Variants in SLC35D4 observed in about 807,000 individuals in gnomAD.
SLC35D4 encodes solute carrier family 35 member D4.
the SLC35D4 span, among the ~76,000 whole-genome samples, chr18:23,265,606 C>T: frequency 6.6e-6 from 1 of 152,008 alleles, no homozygotes; most frequent in Non-Finnish European, 1.5e-5. Flanking sequence ...TACAATGACC[C>T]TGGCCTTGAA....
At chr18:23,356,095 T>C in the SLC35D4 span, among the ~76,000 whole-genome samples, 1 of 152,178 alleles carries the variant, frequency 6.6e-6, no homozygotes, top group Admixed American at 6.5e-5. This position sits in a 1 kb window ranked among gnomAD's most constrained non-coding sequence, Gnocchi z 4.1. Context: ...ATCACCTGGT[T>C]GTCTAGACAT....
the SLC35D4 span, among the ~76,000 whole-genome samples, chr18:23,432,554 G>A: frequency 1.3e-5 from 2 of 151,812 alleles, no homozygotes; most frequent in Non-Finnish European, 2.9e-5. Flanking sequence ...GGTGGTATGC[G>A]CCTGTAACCC....
At chr18:23,370,859 T>G in the SLC35D4 span, among the ~76,000 whole-genome samples, 1 of 152,128 alleles carries the variant, frequency 6.6e-6, no homozygotes, top group Non-Finnish European at 1.5e-5. Flanking sequence ...CCACAGTGAG[T>G]TAGTTCATAT....
the SLC35D4 span, among the ~76,000 whole-genome samples, chr18:23,429,978 G>A: frequency 6.6e-6 from 1 of 152,152 alleles, no homozygotes; most frequent in Non-Finnish European, 1.5e-5. Flanking sequence ...TCTGTTAATA[G>A]TTTCTTTTGC....
At chr18:23,340,077 C>T in the SLC35D4 span, among the ~76,000 whole-genome samples, 51 of 152,262 alleles carry the variant, frequency 3.3e-4, no homozygotes, top group Non-Finnish European at 7.2e-4. Flanking sequence ...CTAGAGCCTC[C>T]GTGCATGCCT....
chr18:23,388,924 C>T, the SLC35D4 span, among the ~76,000 whole-genome samples: 3 of 151,964 alleles, frequency 2.0e-5, no homozygotes, highest in African/African-American at 4.8e-5. Context: ...GCTTCCTGTA[C>T]AGCCTGCAGA....
chr18:23,388,853 G>A, the SLC35D4 span, among the ~76,000 whole-genome samples: 1 of 152,126 alleles, frequency 6.6e-6, no homozygotes, highest in South Asian at 2.1e-4. Context: ...CATGGTAAGA[G>A]GTGCTTGCTT....
At chr18:23,264,051 T>A in the SLC35D4 span, among the ~76,000 whole-genome samples, 1 of 152,220 alleles carries the variant, frequency 6.6e-6, no homozygotes, top group Admixed American at 6.5e-5. Context: ...CTGGTTGAGT[T>A]AAATGAGCCA....
At chr18:23,353,309 TC>T in the SLC35D4 span, among the ~76,000 whole-genome samples, 3 of 152,150 alleles carry the variant, frequency 2.0e-5, no homozygotes, top group Non-Finnish European at 4.4e-5. Context: ...CTGCCACACT[TC>T]CATCTGACCT....
chr18:23,240,718 C>T, the SLC35D4 span, among the ~76,000 whole-genome samples: 5 of 152,184 alleles, frequency 3.3e-5, no homozygotes, highest in East Asian at 1.9e-4. Context: ...CCGTCTTCCT[C>T]GGGCCCCCAG....
At chr18:23,276,437 T>G in the SLC35D4 span, among the ~76,000 whole-genome samples, 3 of 151,900 alleles carry the variant, frequency 2.0e-5, no homozygotes, top group Non-Finnish European at 4.4e-5. Flanking sequence ...ATTTTGTTTT[T>G]TTTTTTTTTA....
the SLC35D4 span, among the ~76,000 whole-genome samples, chr18:23,422,777 T>C: frequency 1.3e-5 from 2 of 150,734 alleles, no homozygotes; most frequent in Non-Finnish European, 2.9e-5. Flanking sequence ...GCCCCCAGCA[T>C]GCACAGTGCA....
chr18:23,312,690 C>T, the SLC35D4 span, among the ~76,000 whole-genome samples: 1 of 152,150 alleles, frequency 6.6e-6, no homozygotes, highest in African/African-American at 2.4e-5. Context: ...TGCCCCACTA[C>T]TGTCCTATTA....
the SLC35D4 span, among the ~76,000 whole-genome samples, chr18:23,393,773 A>C: frequency 6.6e-6 from 1 of 152,074 alleles, no homozygotes; most frequent in Non-Finnish European, 1.5e-5. Context: ...ACTCACCATC[A>C]TGCCCAGATA....
At chr18:23,401,623 G>A in the SLC35D4 span, among the ~76,000 whole-genome samples, 1 of 152,214 alleles carries the variant, frequency 6.6e-6, no homozygotes, top group Non-Finnish European at 1.5e-5. Context: ...GAAGCACAGA[G>A]CACATACTGC....
At chr18:23,404,449 C>T in the SLC35D4 span, among the ~76,000 whole-genome samples, 26 of 151,922 alleles carry the variant, frequency 1.7e-4, no homozygotes, top group Admixed American at 7.2e-4. Flanking sequence ...CCGAGGCAGG[C>T]GGATCATGAG....
At chr18:23,307,145 G>C in the SLC35D4 span, among the ~76,000 whole-genome samples, 3 of 152,356 alleles carry the variant, frequency 2.0e-5, no homozygotes, top group South Asian at 6.2e-4. Flanking sequence ...CAACCGAACC[G>C]TAGTGACGTC....
chr18:23,272,785 T>G, the SLC35D4 span, among the ~76,000 whole-genome samples: 1 of 152,244 alleles, frequency 6.6e-6, no homozygotes, highest in Admixed American at 6.5e-5. Context: ...ACGGTTTGAT[T>G]ATTTACTATA....
chr18:23,342,452 T>A, the SLC35D4 span, among the ~76,000 whole-genome samples: 1 of 152,112 alleles, frequency 6.6e-6, no homozygotes, highest in African/African-American at 2.4e-5. Flanking sequence ...ATATATACTA[T>A]ATCTTATTTA....
Sources: gnomAD v4.1 joint callset for allele counts (sites outside exome capture counted in the v4.1 genomes callset) on GRCh38, gnomAD v4.1.1 for gene constraint, Gnocchi (gnomAD v3.1) non-coding constraint, MANE v1.5 for transcripts, NCBI Gene and HGNC (gene_info 2026-07-23, HGNC 2026-07-21) for gene names.